The following ANK2 variants were observed in gnomAD, a reference collection of about 807,000 sequenced individuals.
The protein encoded by ANK2 is ankyrin-2.
ANK2 carries 83 observed loss-of-function variants against 360.5 expected under a neutral mutation model. The observed-to-expected ratio is 0.23, with a 90% confidence interval of 0.19 to 0.28. The LOEUF is 0.28. Among genes scored for constraint, ANK2 ranks in the 10% least tolerant of loss-of-function variants. The probability of loss-of-function intolerance (pLI) is 1.00; values close to 1 mark genes in which losing one functional copy is unlikely to be tolerated. For missense variants in ANK2, 4,201 were observed against 4,795.7 expected, an observed-to-expected ratio of 0.88 and a Z score of 3.66; for synonymous variants, 1,740 against 1,759.5, an observed-to-expected ratio of 0.99 and a Z score of 0.28.
At chr4:113,100,624 A>G (rs2092673014) in intron 1 of ANK2, among the ~76,000 whole-genome samples, 1 of 152,138 alleles carries the variant, frequency 6.6e-6, no homozygotes, top group Admixed American at 6.6e-5. Context: ...TCATACTTCT[A>G]GGTGTTTACT....
the ANK2 span, among the ~76,000 whole-genome samples, chr4:112,708,421 G>C: frequency 2.7e-4 from 41 of 152,054 alleles, no homozygotes; most frequent in African/African-American, 9.6e-4. Flanking sequence ...CAAATCTATT[G>C]GTCATACTAT....
chr4:112,868,525 T>C (rs2071558954), intron 1 of ANK2, among the ~76,000 whole-genome samples: 1 of 152,266 alleles, frequency 6.6e-6, no homozygotes, highest in African/African-American at 2.4e-5. Flanking sequence ...AGAGCCCTCA[T>C]GGCCTAATCA....
chr4:113,177,333 G>A (rs1456251830), intron 2 of ANK2, among the ~76,000 whole-genome samples: 1 of 152,162 alleles, frequency 6.6e-6, no homozygotes, highest in African/African-American at 2.4e-5. Context: ...GCCCGCCTCG[G>A]CCTCCCAAAG....
At chr4:113,279,410 T>C (rs2061420009) in intron 17 of ANK2, among the ~76,000 whole-genome samples, 1 of 152,078 alleles carries the variant, frequency 6.6e-6, no homozygotes, top group African/African-American at 2.4e-5. Flanking sequence ...GATCTCCGTT[T>C]TGCAGATGAG....
intron 2 of ANK2, among the ~76,000 whole-genome samples, chr4:112,962,274 T>A (rs560694323): frequency 6.6e-6 from 1 of 152,232 alleles, no homozygotes; most frequent in African/African-American, 2.4e-5. Flanking sequence ...TAGCTCTCAC[T>A]TATAAGTGAG....
chr4:112,885,880 A>G (rs2078227170), intron 1 of ANK2, among the ~76,000 whole-genome samples: 1 of 151,726 alleles, frequency 6.6e-6, no homozygotes, highest in Non-Finnish European at 1.5e-5. Flanking sequence ...TTCCTTACCA[A>G]GTTTTTCTCT....
intron 45 of ANK2, chr4:113,373,667 T>C (rs759333429): frequency 1.1e-5 from 8 of 744,478 alleles, no homozygotes; most frequent in Non-Finnish European, 1.7e-5. Context: ...TTGTTTTTGT[T>C]TGGTCTTTTT....
intron 45 of ANK2, among the ~76,000 whole-genome samples, chr4:113,380,059 G>A (rs1054076): frequency 0.074 from 11,305 of 152,018 alleles, 1,288 homozygotes; most frequent in African/African-American, 0.25. Context: ...TTTTTGTTTG[G>A]ACTATTGCTT....
chr4:112,739,152 G>C, the ANK2 span: 1 of 378,320 alleles, frequency 2.6e-6, no homozygotes, highest in Non-Finnish European at 5.0e-6. Context: ...CGTAAAAACT[G>C]CCAAGAACAC....
chr4:113,243,106 A>G (rs1256221278), intron 9 of ANK2, among the ~76,000 whole-genome samples: 1 of 152,166 alleles, frequency 6.6e-6, no homozygotes, highest in Non-Finnish European at 1.5e-5. Context: ...TGTAAGGATT[A>G]TTTCAGTATT....
At position 113,357,204 on chromosome 4, in the gene ANK2, T is replaced by A. The variant is rs771705361; in HGVS notation, c.8586T>A (p.Asp2862Glu). The change falls in exon 38 of 46, where the codon GAT (aspartate) becomes GAA (glutamate). Residue 2862 changes from aspartate to glutamate, a missense_variant. By Grantham distance (45) the Asp-to-Glu change is conservative. Around this residue, in one of 4 missense-constraint regions of ANK2, gnomAD observed 2,642 missense variants for 2,714.5 expected, o/e 0.97. Coordinates refer to ENST00000357077, the MANE Select transcript of ANK2 (RefSeq NM_001148.6). Reference sequence around the variant, plus strand: ...TGGTATCTGAAGGAAAAGAATTAGATGAAGACATATCTGCCACATCTTCTA... The same window carrying A: ...TGGTATCTGAAGGAAAAGAATTAGAAGAAGACATATCTGCCACATCTTCTA... ...HCLVSEGKEL[D>E]EDISATSSIQ... The A allele has an allele frequency of 1.2e-6, 2 of 1,614,084 alleles. No homozygotes were observed. The highest frequency in any genetic ancestry group is 1.7e-6 in the Non-Finnish European group (2 of 1,179,978).
At chr4:113,191,232 A>G (rs1208978650) in intron 2 of ANK2, among the ~76,000 whole-genome samples, 2 of 152,114 alleles carry the variant, frequency 1.3e-5, no homozygotes, top group South Asian at 4.1e-4. Flanking sequence ...AATACCAACT[A>G]CTCGGGAGAC....
At chr4:112,827,713 A>G (rs2058706764) in intron 1 of ANK2, 1 of 546,098 alleles carries the variant, frequency 1.8e-6, no homozygotes, top group East Asian at 2.8e-5. Context: ...AATCACCAAT[A>G]TGAAAGAGCA....
rs865781090 is a variant in ANK2 at position 112,876,406 on chromosome 4, G to T, written c.-39-28049G>T. 3.9e-5 allele frequency among the ~76,000 whole-genome samples: 6 copies of T among 152,096 alleles called. No homozygotes were observed. In the South Asian group the frequency reaches 8.3e-4, roughly 21 times the overall value. On this transcript the variant is annotated intron_variant, in intron 1 of 30. Coordinates refer to the ANK2 transcript ENST00000503271. ...GGCACACTCAAAATAGGATAAATTAGGGTGTTTTTATTTATGTAGGAAGTA... is the reference window on the plus strand; with the variant it reads ...GGCACACTCAAAATAGGATAAATTATGGTGTTTTTATTTATGTAGGAAGTA...
chr4:113,112,749 G>A (rs918022549), intron 1 of ANK2, among the ~76,000 whole-genome samples: 1 of 151,954 alleles, frequency 6.6e-6, no homozygotes. Context: ...GCATACACTT[G>A]GGGGGTCTTG....
intron 1 of ANK2, among the ~76,000 whole-genome samples, chr4:112,896,576 T>C (rs938733631): frequency 2.0e-5 from 3 of 152,208 alleles, no homozygotes; most frequent in African/African-American, 7.2e-5. Flanking sequence ...AATGTGTGAG[T>C]GCTGGTAATG....
At chr4:112,810,030 C>T in the ANK2 span, among the ~76,000 whole-genome samples, 2 of 147,002 alleles carry the variant, frequency 1.4e-5, no homozygotes, top group Non-Finnish European at 3.0e-5. Context: ...GTCATATTTA[C>T]TTTATTTTTT....
At chr4:113,282,601 TC>T (rs1180067108) in intron 17 of ANK2, 73 bp from the exon 18 acceptor site, 2 of 1,348,524 alleles carry the variant, frequency 1.5e-6, no homozygotes, top group Non-Finnish European at 2.1e-6. Flanking sequence ...GATTTTTATT[TC>T]CTTTAGAGAT....
intron 2 of ANK2, among the ~76,000 whole-genome samples, chr4:113,186,578 CT>C (rs2098530587): frequency 1.5e-5 from 1 of 67,750 alleles, no homozygotes. Flanking sequence ...CTCTCTCTCT[CT>C]CTCTCTCTTC....
Sources: allele counts gnomAD v4.1 joint callset (sites outside exome capture counted in the v4.1 genomes callset), GRCh38; gene constraint gnomAD v4.1.1; regional missense constraint gnomAD v4.1.1; transcripts MANE v1.5; gene names NCBI Gene and HGNC (gene_info 2026-07-23, HGNC 2026-07-21).